COL23A1: variants seen among roughly 807,000 people sequenced by gnomAD.
COL23A1 encodes collagen type XXIII alpha 1 chain.
A neutral mutation model predicts 99.3 loss-of-function variants in COL23A1; 97 were observed. That is an observed-to-expected ratio of 0.98 (90% CI 0.83 to 1.16). The LOEUF (loss-of-function observed/expected upper bound fraction) is 1.16. COL23A1 is among the 50% of genes most tolerant of loss of function. COL23A1 has a pLI of 0.00. For missense variants in COL23A1, 762 were observed against 757.4 expected (o/e 1.01, Z -0.07); for synonymous variants, 320 against 308.2 (o/e 1.04, Z -0.40).
chr5:178,273,945 G>A (rs746094376), intron 5 of COL23A1, among the ~76,000 whole-genome samples: 22 of 152,238 alleles, frequency 1.4e-4, no homozygotes, highest in Non-Finnish European at 2.9e-4. Context: ...ACCCTGGGCT[G>A]TGAACCTCCA....
intron 2 of COL23A1, among the ~76,000 whole-genome samples, chr5:178,505,043 T>A (rs1168094624): frequency 6.6e-6 from 1 of 152,150 alleles, no homozygotes; most frequent in Non-Finnish European, 1.5e-5. Flanking sequence ...ATGTTGACTG[T>A]CTGGTACTTC....
chr5:178,559,412 T>C lies in COL23A1; in HGVS notation c.361+1270A>G, dbSNP rs117060721. ...AACAAAAGTCACCTTTCCCTGCATG[T>C]CGAGAAGTCTGAGACACATCACTCA... is the stretch of plus-strand genomic sequence containing the variant. On this transcript the variant is annotated intron_variant, in intron 2 of 28. Coordinates refer to ENST00000390654, the MANE Select transcript of COL23A1 (RefSeq NM_173465.4). Among the ~76,000 whole-genome samples, 24 of 151,276 alleles carry C rather than the reference T, an allele frequency of 1.6e-4. No homozygotes were observed. In the South Asian group the frequency reaches 4.2e-3, roughly 26 times the overall value.
chr5:178,302,406 ATCCACCTGTGTG>A (rs1488353379), intron 3 of COL23A1, among the ~76,000 whole-genome samples: 13 of 141,566 alleles, frequency 9.2e-5, no homozygotes, highest in African/African-American at 3.5e-4. Context: ...CACGGCTTCA[ATCCACCTGTGTG>A]TGCGCCGGAG....
chr5:178,247,341 G>A (rs1048531101), intron 22 of COL23A1, among the ~76,000 whole-genome samples, 185 bp downstream of exon 22: 10 of 152,138 alleles, frequency 6.6e-5, no homozygotes, highest in African/African-American at 1.4e-4. Context: ...GGTGGAGAGG[G>A]GGGCATTGGC....
chr5:178,306,537 C>T lies in COL23A1; in HGVS notation c.406+338G>A, dbSNP rs957789363. ...GAGAACCCGGTTGTGCTGAAGGACC[C>T]ATGGGGGAGGGTGTGGCTGGCGGAG... On this transcript the variant is annotated intron_variant, in intron 3 of 28. Coordinates refer to ENST00000390654, the MANE Select transcript of COL23A1 (RefSeq NM_173465.4). This position sits in a 1 kb window ranked among gnomAD's most constrained non-coding sequence, Gnocchi z 4.1. Among the ~76,000 whole-genome samples, 3 of 147,316 alleles carry T rather than the reference C, an allele frequency of 2.0e-5. No individual in the cohort carries two copies. Among genetic ancestry groups the T allele is most frequent in the African/African-American group, 7.6e-5 (3 of 39,418 alleles).
chr5:178,469,792 G>A (rs925313858), intron 2 of COL23A1, among the ~76,000 whole-genome samples: 2 of 152,180 alleles, frequency 1.3e-5, no homozygotes, highest in South Asian at 4.2e-4. Flanking sequence ...GGGAGGAGGT[G>A]GCCATTCCCC....
At chr5:178,347,378 G>T (rs1312395494) in intron 2 of COL23A1, among the ~76,000 whole-genome samples, 1 of 151,884 alleles carries the variant, frequency 6.6e-6, no homozygotes, top group Non-Finnish European at 1.5e-5. Context: ...AATCCAGAGA[G>T]ACTGAAAGAA....
Position 178,531,840 on chromosome 5 carries a change from G to A in COL23A1, c.361+28842C>T, listed in dbSNP as rs144219865. ...CGGCCTTCTAAGCGATCCCTGCCCC[G>A]GCATCCTGCACGCTCCCTCTGGCCA... is the stretch of plus-strand genomic sequence containing the variant. On this transcript the variant is annotated intron_variant, in intron 2 of 28. Transcript: ENST00000390654. 2.6e-3 allele frequency among the ~76,000 whole-genome samples: 392 copies of A among 152,294 alleles called. 1 individual carries two copies. Among genetic ancestry groups the A allele is most frequent in the African/African-American group, 8.3e-3 (346 of 41,566 alleles).
intron 3 of COL23A1, among the ~76,000 whole-genome samples, chr5:178,292,638 C>T (rs1757522480): frequency 6.6e-6 from 1 of 152,148 alleles, no homozygotes; most frequent in South Asian, 2.1e-4. Context: ...CTGCATGCTG[C>T]AGGGGAGAGA....
intron 2 of COL23A1, among the ~76,000 whole-genome samples, chr5:178,529,960 G>C (rs569657767): frequency 6.6e-6 from 1 of 152,318 alleles, no homozygotes; most frequent in East Asian, 1.9e-4. Flanking sequence ...TTAAGACGAA[G>C]GAAGATCCCG....
At chr5:178,487,876 C>T (rs543309108) in intron 2 of COL23A1, among the ~76,000 whole-genome samples, 1 of 152,352 alleles carries the variant, frequency 6.6e-6, no homozygotes, top group South Asian at 2.1e-4. Flanking sequence ...TGCTCTAGGT[C>T]ATCAGCTTTC....
rs933366882 is a variant in COL23A1, at chr5:178,366,048, G to A, written c.362-59129C>T. Among the ~76,000 whole-genome samples the A allele has an allele frequency of 6.6e-5, 10 of 152,120 alleles. No homozygotes were observed. The highest frequency in any genetic ancestry group is 2.1e-4 in the South Asian group (1 of 4,822). ...TTCATCTGAGCTCGCTTCAGATGAC[G>A]CCCCCAGTGCCAGGTGATCATCTGC... On this transcript the variant is annotated intron_variant, in intron 2 of 28. Transcript: ENST00000390654. This position sits in a 1 kb window ranked among gnomAD's most constrained non-coding sequence, Gnocchi z 4.4.
intron 2 of COL23A1, among the ~76,000 whole-genome samples, chr5:178,526,757 CTCA>C (rs1207425366): frequency 6.6e-6 from 1 of 152,164 alleles, no homozygotes; most frequent in Non-Finnish European, 1.5e-5. Context: ...TGGATTCAAA[CTCA>C]GACTACAGCC....
chr5:178,378,045 TG>T (rs1250813700), intron 2 of COL23A1: 3 of 152,184 alleles, frequency 2.0e-5, no homozygotes, highest in African/African-American at 7.2e-5. Flanking sequence ...ACAGTAAGTT[TG>T]GCATCAATAT....
intron 2 of COL23A1, among the ~76,000 whole-genome samples, chr5:178,316,343 C>T (rs550394818): frequency 1.1e-3 from 165 of 152,162 alleles, no homozygotes; most frequent in African/African-American, 3.7e-3. Flanking sequence ...GAATGAAAAA[C>T]GTAAGGTTGG....
intron 1 of COL23A1, among the ~76,000 whole-genome samples, chr5:178,576,870 C>G (rs1763391567): frequency 1.3e-5 from 2 of 151,802 alleles, no homozygotes; most frequent in African/African-American, 4.8e-5. Flanking sequence ...GCACGGGAGG[C>G]CGCCTGGGTT....
rs144881742 is a variant in COL23A1, at chr5:178,477,682, G to A, written c.361+83000C>T. ...ATGCAAAACAGCCTGAACCCTCTGCGAGTGAAAACATGTATGTGTGCAACT... is the reference window on the plus strand; with the variant it reads ...ATGCAAAACAGCCTGAACCCTCTGCAAGTGAAAACATGTATGTGTGCAACT... On this transcript the variant is annotated intron_variant, in intron 2 of 28. Coordinates refer to ENST00000390654, the MANE Select transcript of COL23A1 (RefSeq NM_173465.4). Among the ~76,000 whole-genome samples, 102 of 152,262 alleles carry A rather than the reference G, an allele frequency of 6.7e-4. 2 individuals carry two copies. Among genetic ancestry groups the A allele is most frequent in the East Asian group, 4.8e-3 (25 of 5,182 alleles).
chr5:178,252,514 G>C, intron 17 of COL23A1, 30 bp downstream of exon 17: 1 of 1,599,500 alleles, frequency 6.3e-7, no homozygotes, highest in Non-Finnish European at 8.5e-7. Context: ...ACAAATGCTT[G>C]GGGGACCACA....
chr5:178,264,737 A>G (rs929096286), intron 8 of COL23A1, among the ~76,000 whole-genome samples: 1 of 151,980 alleles, frequency 6.6e-6, no homozygotes, highest in Non-Finnish European at 1.5e-5. Flanking sequence ...GCTCACTGCA[A>G]CCTCCACCTC....
Sources: gnomAD v4.1 joint callset for allele counts (sites outside exome capture counted in the v4.1 genomes callset) on GRCh38, gnomAD v4.1.1 for gene constraint, Gnocchi (gnomAD v3.1) non-coding constraint, MANE v1.5 for transcripts, NCBI Gene and HGNC (gene_info 2026-07-23, HGNC 2026-07-21) for gene names.